The following DBX1 variants were observed in gnomAD, a reference collection of about 807,000 sequenced individuals.
The protein encoded by DBX1 is homeobox protein DBX1.
Under a neutral mutation model 20.8 loss-of-function variants are expected in DBX1, and 10 were observed. The observed-to-expected ratio is 0.48, with a 90% CI of 0.30 to 0.82. DBX1 has a LOEUF of 0.82. Ranked by LOEUF, DBX1 falls within the 40% of genes least tolerant of loss-of-function variation. DBX1 has a pLI of 0.07. For missense variants in DBX1, 505 were observed against 468.8 expected (o/e 1.08, Z -0.71); for synonymous variants, 241 against 213.9 (o/e 1.13, Z -1.11).
rs903976385 is a variant in DBX1, at chr11:20,160,473, T to G, written c.-149A>C. The G allele has an allele frequency of 3.9e-6, 4 of 1,023,652 alleles. No homozygotes were observed. Among genetic ancestry groups the G allele is most frequent in the Non-Finnish European group, 5.3e-6 (4 of 750,392 alleles). 63.4% of individuals were successfully genotyped at this position (1,023,652 alleles called of 1,614,324 possible). The stretch of plus-strand genomic sequence containing the variant: ...ATCCCACTTGGGCGTCTGCGAGTCC[T>G]CCGTGGTCCTCTCGTCGAGGTGATG... On this transcript the variant is annotated 5_prime_UTR_variant, in exon 1 of 4. Transcript: ENST00000524983.
In DBX1 at chr11:20,156,723, A is replaced by C; in HGVS notation, c.673-150T>G. The C allele has an allele frequency of 8.2e-7, 1 of 1,220,008 alleles. No homozygotes were observed. The highest frequency in any genetic ancestry group is 1.2e-6 in the Non-Finnish European group (1 of 833,154). The allele number at this position is 1,220,008 out of a possible 1,614,324, so 75.6% of individuals were successfully genotyped here. On this transcript the variant is annotated intron_variant, in intron 3 of 3. Coordinates refer to ENST00000524983, the MANE Select transcript of DBX1 (RefSeq NM_001029865.4). The surrounding 1 kb of genome is among the most constrained non-coding windows in gnomAD (Gnocchi z 4.8). The stretch of plus-strand genomic sequence containing the variant: ...CACCCCCAGAAATGAGTTCCGGTGG[A>C]TTCCCGCATTGACTCCGCCCCCGCC...
Position 20,160,350 on chromosome 11 carries a change from C to T in DBX1, c.-26G>A. The T allele has an allele frequency of 6.8e-7, 1 of 1,478,642 alleles. No homozygotes were observed. The highest frequency in any genetic ancestry group is 9.0e-7 in the Non-Finnish European group (1 of 1,116,714). 91.6% of individuals were successfully genotyped at this position (1,478,642 alleles called of 1,614,324 possible). A position where few individuals can be genotyped will look rare whatever the true frequency, so the allele number is the denominator to read the frequency against. ...GGTAGGCGCGGGCGGGCGAAATAACCCTTCTTTCAGTGGCCGGAGGGTAAA... is the reference window on the plus strand; with the variant it reads ...GGTAGGCGCGGGCGGGCGAAATAACTCTTCTTTCAGTGGCCGGAGGGTAAA... On this transcript the variant is annotated 5_prime_UTR_variant, in exon 1 of 4. Transcript: ENST00000524983.
In DBX1 at chr11:20,156,663, G is replaced by T; in HGVS notation, c.673-90C>A. ...GCACGGGGGCGGGGAGTGGAGTCGG[G>T]TGCAGGCTCTGTCCTTCGGGCTGTG... is the stretch of plus-strand genomic sequence containing the variant. On this transcript the variant is annotated intron_variant, in intron 3 of 3. Coordinates refer to ENST00000524983, the MANE Select transcript of DBX1 (RefSeq NM_001029865.4). The surrounding 1 kb of genome is among the most constrained non-coding windows in gnomAD (Gnocchi z 4.8). 1.3e-6 allele frequency: 2 copies of T among 1,576,384 alleles called. No individual in the cohort carries two copies. Among genetic ancestry groups the T allele is most frequent in the Non-Finnish European group, 1.7e-6 (2 of 1,147,918 alleles).
chr11:20,159,365 T>C, intron 1 of DBX1, 73 bp from the exon 2 acceptor site: 1 of 970,410 alleles, frequency 1.0e-6, no homozygotes, highest in South Asian at 1.3e-5. Context: ...TTGCCTATTG[T>C]ATAGCACACT....
chr11:20,156,319 C>A lies in DBX1; in HGVS notation c.927G>T (p.Leu309=). 2 of 1,570,958 alleles carry A rather than the reference C, an allele frequency of 1.3e-6. No individual in the cohort carries two copies. Among genetic ancestry groups the A allele is most frequent in the Non-Finnish European group, 1.7e-6 (2 of 1,158,154 alleles). The change falls in exon 4 of 4, where the codon CTG becomes CTT. Residue 309 remains leucine, a synonymous_variant. Coordinates refer to ENST00000524983, the MANE Select transcript of DBX1 (RefSeq NM_001029865.4). This position sits in a 1 kb window ranked among gnomAD's most constrained non-coding sequence, Gnocchi z 4.8. ...HLRDPRLPGP[L]PPSPAHSSSP... ...TGCTCGAGTGCGCGGGCGAGGGGGGCAGCGGCCCTGGCAGCCGCGGGTCCC... is the reference window on the plus strand; with the variant it reads ...TGCTCGAGTGCGCGGGCGAGGGGGGAAGCGGCCCTGGCAGCCGCGGGTCCC...
chr11:20,160,270 G>T lies in DBX1; in HGVS notation c.55C>A (p.Pro19Thr). Reference sequence around the variant, plus strand: ...TGGGGCAGCGTCAAGGTGGGCGTGGGCCGCAGGAGGCTAGGGTACCCGGCG... The same window carrying T: ...TGGGGCAGCGTCAAGGTGGGCGTGGTCCGCAGGAGGCTAGGGTACCCGGCG... ...PPAGYPSLLR[P>T]TPTLTLPQSL... The change falls in exon 1 of 4, where the codon CCC becomes ACC. Residue 19 changes from proline (P) to threonine (T), a missense_variant. By Grantham distance (38) the Pro-to-Thr change is conservative (BLOSUM62 -1). Transcript: ENST00000524983. The T allele has an allele frequency of 6.5e-7, 1 of 1,540,796 alleles. No individual in the cohort carries two copies.
Position 20,160,464 on chromosome 11 carries a change from T to C in DBX1, c.-140A>G. On this transcript the variant is annotated 5_prime_UTR_variant, in exon 1 of 4. Coordinates refer to ENST00000524983, the MANE Select transcript of DBX1 (RefSeq NM_001029865.4). Reference sequence around the variant, plus strand: ...CAAGTAACAATCCCACTTGGGCGTCTGCGAGTCCTCCGTGGTCCTCTCGTC... The same window carrying C: ...CAAGTAACAATCCCACTTGGGCGTCCGCGAGTCCTCCGTGGTCCTCTCGTC... The C allele has an allele frequency of 8.7e-7, 1 of 1,152,096 alleles. No individual in the cohort carries two copies. Among genetic ancestry groups the C allele is most frequent in the Non-Finnish European group, 1.2e-6 (1 of 865,580 alleles). 71.4% of individuals were successfully genotyped at this position (1,152,096 alleles called of 1,614,324 possible).
chr11:20,157,290 C>CA (rs2063665201), intron 2 of DBX1, 51 bp from the exon 3 acceptor site: 1 of 1,477,154 alleles, frequency 6.8e-7, no homozygotes, highest in Non-Finnish European at 9.1e-7. Context: ...CCCCCAGTCC[C>CA]AACACGGCTC....
chr11:20,157,267 A>C (rs1206774075), intron 2 of DBX1, 28 bp from the exon 3 acceptor site: 2 of 1,534,654 alleles, frequency 1.3e-6, no homozygotes, highest in Non-Finnish European at 1.8e-6. Context: ...GTGGCGAGTG[A>C]GTGGGCGTAC....
In DBX1 at chr11:20,156,648, G is replaced by T. The variant is rs763432625; in HGVS notation, c.673-75C>A. ...GGGGCTCCGGGGGACGCACGGGGGC[G>T]GGGAGTGGAGTCGGGTGCAGGCTCT... On this transcript the variant is annotated intron_variant, in intron 3 of 3. Coordinates refer to ENST00000524983, the MANE Select transcript of DBX1 (RefSeq NM_001029865.4). This position sits in a 1 kb window ranked among gnomAD's most constrained non-coding sequence, Gnocchi z 4.8. The T allele has an allele frequency of 6.2e-7, 1 of 1,603,432 alleles. No homozygotes were observed. The highest frequency in any genetic ancestry group is 2.2e-5 in the East Asian group (1 of 44,816).
rs2063664143 is a variant in DBX1, at chr11:20,157,186, G to A, written c.523C>T (p.Arg175Cys). 1 of 1,601,172 alleles carries A rather than the reference G, an allele frequency of 6.2e-7. No individual in the cohort carries two copies. Among genetic ancestry groups the A allele is most frequent in the Admixed American group, 1.7e-5 (1 of 58,526 alleles). The change falls in exon 3 of 4, where the codon CGC (arginine) becomes TGC (cysteine). Residue 175 changes from arginine (R) to cysteine (C), a missense_variant. Coordinates refer to ENST00000524983, the MANE Select transcript of DBX1 (RefSeq NM_001029865.4). ...PGTFSWPLAA[R>C]GKPRRGMLRR... Reference sequence around the variant, plus strand: ...AGCATGCCCCGCCGAGGCTTCCCGCGCGCGGCCAGCGGCCAGGAGAAGGTC... The same window carrying A: ...AGCATGCCCCGCCGAGGCTTCCCGCACGCGGCCAGCGGCCAGGAGAAGGTC...
rs2063664341 is a variant in DBX1, at chr11:20,157,200, CAGG to C, written c.506_508del (p.Ser169del). On this transcript the variant is annotated inframe_deletion, in exon 3 of 4. Transcript: ENST00000524983. The stretch of plus-strand genomic sequence containing the variant: ...AGGCTTCCCGCGCGCGGCCAGCGGC[CAGG>C]AGAAGGTCCCGGGGATGGGCACCAC... 4 of 1,594,680 alleles carry C rather than the reference CAGG, an allele frequency of 2.5e-6. No individual in the cohort carries two copies. The East Asian group carries it at 9.0e-5, about 36-fold the overall frequency.
At chr11:20,157,005 CG>C (rs10717537) in intron 3 of DBX1, 31 bp downstream of exon 3, 969,903 of 1,542,878 alleles carry the variant, frequency 0.63, 296,806 homozygotes, top group East Asian at 0.71. Context: ...AGGGCGGGGG[CG>C]GGGGGGGTGC....
At position 20,156,893 on chromosome 11, in the gene DBX1, G is replaced by T; in HGVS notation, c.672+144C>A. On this transcript the variant is annotated intron_variant, in intron 3 of 3. Coordinates refer to ENST00000524983, the MANE Select transcript of DBX1 (RefSeq NM_001029865.4). The surrounding 1 kb of genome is among the most constrained non-coding windows in gnomAD (Gnocchi z 4.8). ...TGCGGAGCTTCGAGGGTAGTGGCCC[G>T]TGTACTCACTCCCTCTCTAGGCCTC... is the stretch of plus-strand genomic sequence containing the variant. 3.6e-6 allele frequency: 3 copies of T among 824,142 alleles called. No individual in the cohort carries two copies. Among genetic ancestry groups the T allele is most frequent in the Non-Finnish European group, 5.8e-6 (3 of 516,034 alleles). 51.1% of individuals were successfully genotyped at this position (824,142 alleles called of 1,614,324 possible).
rs763340256 is a variant in DBX1 at position 20,156,681 on chromosome 11, G to A, written c.673-108C>T. 6.6e-7 allele frequency: 1 copy of A among 1,505,754 alleles called. No homozygotes were observed. The highest frequency in any genetic ancestry group is 9.2e-7 in the Non-Finnish European group (1 of 1,085,358). The allele number at this position is 1,505,754 out of a possible 1,614,324, so 93.3% of individuals were successfully genotyped here. On this transcript the variant is annotated intron_variant, in intron 3 of 3. Coordinates refer to ENST00000524983, the MANE Select transcript of DBX1 (RefSeq NM_001029865.4). The surrounding 1 kb of genome is among the most constrained non-coding windows in gnomAD (Gnocchi z 4.8). ...GAGTCGGGTGCAGGCTCTGTCCTTC[G>A]GGCTGTGTCCTCTCCCCACCCCCAG... is the stretch of plus-strand genomic sequence containing the variant.
chr11:20,159,907 C>T (rs1006442150), intron 1 of DBX1, 51 bp downstream of exon 1: 4 of 1,612,918 alleles, frequency 2.5e-6, no homozygotes, highest in Non-Finnish European at 3.4e-6. Context: ...CAGGATGACT[C>T]CGCGCATGCC....
In DBX1 at chr11:20,159,878, C is replaced by T. The variant is rs1313822526; in HGVS notation, c.367+80G>A. 5 of 1,599,124 alleles carry T rather than the reference C, an allele frequency of 3.1e-6. No individual in the cohort carries two copies. The African/African-American group carries it at 4.0e-5, about 13-fold the overall frequency. Reference sequence around the variant, plus strand: ...ACCGATGTGTGTGTGGGGGCCCGCTCGCTAGAGGAAACTGAGGCCAGGATG... The same window carrying T: ...ACCGATGTGTGTGTGGGGGCCCGCTTGCTAGAGGAAACTGAGGCCAGGATG... On this transcript the variant is annotated intron_variant, in intron 1 of 3. Coordinates refer to ENST00000524983, the MANE Select transcript of DBX1 (RefSeq NM_001029865.4).
At chr11:20,158,174 A>G (rs995886698) in intron 2 of DBX1, among the ~76,000 whole-genome samples, 2 of 130,276 alleles carry the variant, frequency 1.5e-5, no homozygotes, top group African/African-American at 5.8e-5. Flanking sequence ...GGAGAAAGGG[A>G]GCAAATTCCA....
At chr11:20,159,364 G>T in intron 1 of DBX1, 72 bp from the exon 2 acceptor site, 2 of 998,982 alleles carry the variant, frequency 2.0e-6, no homozygotes, top group Non-Finnish European at 3.2e-6. Flanking sequence ...CTTGCCTATT[G>T]TATAGCACAC....
Sources: gnomAD v4.1 joint callset for allele counts (sites outside exome capture counted in the v4.1 genomes callset) on GRCh38, gnomAD v4.1.1 for gene constraint, Gnocchi (gnomAD v3.1) non-coding constraint, MANE v1.5 for transcripts, NCBI Gene and HGNC (gene_info 2026-07-23, HGNC 2026-07-21) for gene names.